Variants in CCSER2 observed in about 807,000 individuals in gnomAD.
CCSER2 encodes coiled-coil serine rich protein 2.
A neutral mutation model predicts 92.3 loss-of-function variants in CCSER2; 46 were observed. The observed-to-expected ratio is 0.50, with a 90% CI of 0.39 to 0.64. CCSER2 has a LOEUF of 0.64. Among genes scored for constraint, CCSER2 ranks in the 30% least tolerant of loss-of-function variants. The pLI, the probability that CCSER2 is intolerant of heterozygous loss-of-function variation, is 0.00. For missense variants in CCSER2, 1,244 were observed against 1,238.9 expected, an observed-to-expected ratio of 1.00 and a Z score of -0.06; for synonymous variants, 433 against 431.4, an observed-to-expected ratio of 1.00 and a Z score of -0.04.
intron 9 of CCSER2, among the ~76,000 whole-genome samples, chr10:84,482,502 A>G (rs1847516598): frequency 6.6e-6 from 1 of 152,208 alleles, no homozygotes; most frequent in Admixed American, 6.6e-5. Context: ...ATTATCTTGG[A>G]CTGAATTTAT....
chr10:84,454,417 GT>G (rs961697505), intron 6 of CCSER2, among the ~76,000 whole-genome samples: 1 of 152,050 alleles, frequency 6.6e-6, no homozygotes, highest in African/African-American at 2.4e-5. Context: ...TTTCTAGGGG[GT>G]ACATCATTCA....
intron 6 of CCSER2, among the ~76,000 whole-genome samples, chr10:84,457,353 ATATATATTTATTT>A (rs1345980874): frequency 1.5e-5 from 1 of 65,486 alleles, no homozygotes; most frequent in African/African-American, 4.9e-5. Context: ...TATATATAAT[ATATATATTTATTT>A]TAAATATATA....
intron 9 of CCSER2, among the ~76,000 whole-genome samples, chr10:84,502,999 C>T (rs1056732059): frequency 3.7e-4 from 56 of 152,096 alleles, no homozygotes; most frequent in African/African-American, 1.3e-3. Context: ...CCGAGGCAGG[C>T]GGATCACGAG....
chr10:84,502,323 A>G (rs183175057), intron 9 of CCSER2, among the ~76,000 whole-genome samples: 505 of 144,350 alleles, frequency 3.5e-3, no homozygotes, highest in African/African-American at 0.011. Context: ...TAGTTGAGAG[A>G]TTTCTCCAGT....
At chr10:84,477,460 A>T in intron 8 of CCSER2, 115 bp from the exon 9 acceptor site, 1 of 513,132 alleles carries the variant, frequency 1.9e-6, no homozygotes, top group Non-Finnish European at 3.4e-6. Flanking sequence ...TTTATAGGTA[A>T]TTTAGTTTTG....
At chr10:84,354,989 C>T (rs1845082031) in intron 1 of CCSER2, among the ~76,000 whole-genome samples, 1 of 151,880 alleles carries the variant, frequency 6.6e-6, no homozygotes, top group Non-Finnish European at 1.5e-5. Context: ...ATTTTGTGCC[C>T]ATTATTGTGA....
intron 3 of CCSER2, among the ~76,000 whole-genome samples, chr10:84,410,245 A>C (rs947010874): frequency 6.6e-6 from 1 of 152,200 alleles, no homozygotes; most frequent in Non-Finnish European, 1.5e-5. Context: ...ATCTTTATAT[A>C]ATAGAATTAT....
At chr10:84,386,658 A>G (rs1841226365) in intron 3 of CCSER2, among the ~76,000 whole-genome samples, 1 of 152,190 alleles carries the variant, frequency 6.6e-6, no homozygotes, top group Non-Finnish European at 1.5e-5. Flanking sequence ...AGAGGCTGCA[A>G]TGGCGGAGGC....
At chr10:84,459,035 T>C (rs1845942586) in intron 6 of CCSER2, among the ~76,000 whole-genome samples, 1 of 152,222 alleles carries the variant, frequency 6.6e-6, no homozygotes, top group Non-Finnish European at 1.5e-5. Context: ...TTTGAGACGT[T>C]CTCGCTGTGT....
At chr10:84,428,199 G>A (rs1843543546) in intron 5 of CCSER2, among the ~76,000 whole-genome samples, 1 of 152,182 alleles carries the variant, frequency 6.6e-6, no homozygotes, top group Non-Finnish European at 1.5e-5. Flanking sequence ...TCTCCTGGAA[G>A]ACAAATTTTC....
At chr10:84,369,545 T>C (rs2133158933) in intron 1 of CCSER2, among the ~76,000 whole-genome samples, 1 of 152,282 alleles carries the variant, frequency 6.6e-6, no homozygotes, top group East Asian at 1.9e-4. Context: ...TGGAGTTCCT[T>C]ATAGATTCTG....
At chr10:84,408,621 A>G (rs887956068) in intron 3 of CCSER2, among the ~76,000 whole-genome samples, 7 of 152,344 alleles carry the variant, frequency 4.6e-5, no homozygotes, top group African/African-American at 1.4e-4. Context: ...AAAGGTACAG[A>G]AAATCACATA....
intron 7 of CCSER2, among the ~76,000 whole-genome samples, chr10:84,464,550 A>G (rs1315320496): frequency 6.6e-6 from 1 of 152,212 alleles, no homozygotes; most frequent in African/African-American, 2.4e-5. Context: ...TGGTTAATTT[A>G]ATGTTTCCAA....
chr10:84,407,418 A>C (rs912064660), intron 3 of CCSER2, among the ~76,000 whole-genome samples: 4 of 151,536 alleles, frequency 2.6e-5, no homozygotes, highest in Non-Finnish European at 5.9e-5. Flanking sequence ...TTTATGCTAT[A>C]TTTTAGTTAA....
Position 84,517,672 on chromosome 10 carries a change from G to A in CCSER2, c.*3405G>A, listed in dbSNP as rs929176551. 6.6e-6 allele frequency: 1 copy of A among 152,608 alleles called. No individual in the cohort carries two copies. The highest frequency in any genetic ancestry group is 6.5e-5 in the Admixed American group (1 of 15,282). 9.5% of individuals were successfully genotyped at this position (152,608 alleles called of 1,614,324 possible). On this transcript the variant is annotated 3_prime_UTR_variant, in exon 10 of 10. Transcript: ENST00000372088. ...GTTCACAGAAATATATTCCCAGCAT[G>A]TCACTTTTCCATTAAAGCACTAAGT...
intron 6 of CCSER2, chr10:84,455,637 C>A: frequency 1.6e-6 from 1 of 643,500 alleles, no homozygotes; most frequent in South Asian, 1.5e-5. Flanking sequence ...TTTGAACTGC[C>A]TTCCACAGAA....
intron 9 of CCSER2, among the ~76,000 whole-genome samples, chr10:84,497,240 A>T (rs527961257): frequency 6.6e-6 from 1 of 152,372 alleles, no homozygotes; most frequent in South Asian, 2.1e-4. Flanking sequence ...TGGGTTTGAA[A>T]GAACCTAAGG....
intron 6 of CCSER2, among the ~76,000 whole-genome samples, chr10:84,439,803 C>T (rs1844414369): frequency 6.6e-6 from 1 of 152,254 alleles, no homozygotes; most frequent in Non-Finnish European, 1.5e-5. Flanking sequence ...ATTGAATTAT[C>T]CAGACATTGA....
chr10:84,410,507 A>G (rs374458589), intron 3 of CCSER2, among the ~76,000 whole-genome samples: 6 of 152,156 alleles, frequency 3.9e-5, no homozygotes, highest in East Asian at 1.9e-4. Context: ...GCATTTCTCT[A>G]ATGATCATTG....
Sources: gnomAD v4.1 joint callset for allele counts (sites outside exome capture counted in the v4.1 genomes callset) on GRCh38, gnomAD v4.1.1 for gene constraint, MANE v1.5 for transcripts, NCBI Gene and HGNC (gene_info 2026-07-23, HGNC 2026-07-21) for gene names.